The following PTHLH variants were observed in gnomAD, a reference collection of about 807,000 sequenced individuals.
PTHLH encodes parathyroid hormone like hormone, also known as parathyroid hormone-related protein.
A neutral mutation model predicts 18.6 loss-of-function variants in PTHLH; 5 were observed. The observed-to-expected ratio is 0.27, with a 90% confidence interval of 0.14 to 0.56. PTHLH has a LOEUF of 0.56. PTHLH is among the 20% of genes least tolerant of loss of function. The probability of loss-of-function intolerance (pLI) is 0.92; values close to 1 mark genes in which losing one functional copy is unlikely to be tolerated. For synonymous variants in PTHLH, 90 were observed against 94.0 expected (o/e 0.96, Z 0.25); for missense variants, 207 against 223.9 (o/e 0.92, Z 0.48).
chr12:27,972,694 A>ACC lies in PTHLH; in HGVS notation c.-531_-530insGG. ...ACTTCTGTTCCCACTAAAGGCAATTATTAGAAAGCAGGTACCTCTTCCAAG... is the reference window on the plus strand; with the variant it reads ...ACTTCTGTTCCCACTAAAGGCAATTACCTTAGAAAGCAGGTACCTCTTCCAAG... On this transcript the variant is annotated 5_prime_UTR_variant, in exon 1 of 6. Coordinates refer to ENST00000545234, the MANE Select transcript of PTHLH (RefSeq NM_198965.2). 6.6e-6 allele frequency: 1 copy of ACC among 152,344 alleles called. No homozygotes were observed. The highest frequency in any genetic ancestry group is 2.4e-5 in the African/African-American group (1 of 41,586). The allele number at this position is 152,344 out of a possible 1,614,324, so 9.4% of individuals were successfully genotyped here. A position where few individuals can be genotyped will look rare whatever the true frequency, so the allele number is the denominator to read the frequency against.
chr12:27,964,140 G>A (rs1208266180), intron 4 of PTHLH, among the ~76,000 whole-genome samples: 1 of 151,978 alleles, frequency 6.6e-6, no homozygotes, highest in Non-Finnish European at 1.5e-5. Context: ...CAGAAACCAC[G>A]GAGTATCTCT....
chr12:27,969,341 C>A, intron 4 of PTHLH, 53 bp downstream of exon 4: 1 of 1,497,914 alleles, frequency 6.7e-7, no homozygotes, highest in South Asian at 1.2e-5. Flanking sequence ...AGCTTGGCAG[C>A]CCCTCCCCCT....
chr12:27,967,560 CA>C (rs1374877637), intron 4 of PTHLH, among the ~76,000 whole-genome samples: 2 of 152,128 alleles, frequency 1.3e-5, no homozygotes, highest in African/African-American at 2.4e-5. Flanking sequence ...GGCAGCAAGA[CA>C]AAAATAATGA....
At chr12:27,966,685 T>C (rs1179935519) in intron 4 of PTHLH, among the ~76,000 whole-genome samples, 2 of 152,250 alleles carry the variant, frequency 1.3e-5, no homozygotes, top group African/African-American at 4.8e-5. Flanking sequence ...AACAGGTAGG[T>C]TATGTATCAT....
chr12:27,966,016 G>A (rs1336688146), intron 4 of PTHLH, among the ~76,000 whole-genome samples: 1 of 152,192 alleles, frequency 6.6e-6, no homozygotes, highest in Non-Finnish European at 1.5e-5. Context: ...AATGGATAAA[G>A]TGTAGCCCAT....
At position 27,963,763 on chromosome 12, in the gene PTHLH, C is replaced by A. The variant is rs2062783782; in HGVS notation, c.109G>T (p.Ala37Ser). 2 of 1,613,918 alleles carry A rather than the reference C, an allele frequency of 1.2e-6. No individual in the cohort carries two copies. Among genetic ancestry groups the A allele is most frequent in the Non-Finnish European group, 1.7e-6 (2 of 1,180,028 alleles). Residue 37 changes from alanine to serine, a missense_variant, in exon 5 of 6, where the codon GCT (alanine) becomes TCT (serine). Physicochemically the swap from Ala to Ser is moderately conservative, Grantham distance 99. Transcript: ENST00000545234. ...TGGAGGAGCTGATGTTCAGACACAG[C>A]TCTTTTGCTTTGAAAGAAAATATTA... The part of the protein sequence containing the change: ...VEGLSRRLKR[A>S]VSEHQLLHDK...
At chr12:27,969,739 C>A (rs771672963) in intron 3 of PTHLH, 1 of 726,718 alleles carries the variant, frequency 1.4e-6, no homozygotes, top group Non-Finnish European at 2.5e-6. Flanking sequence ...CCAGAAAGAG[C>A]AAAAAGGGAA....
Position 27,969,440 on chromosome 12 carries a change from C to T in PTHLH, c.55G>A (p.Ala19Thr). Residue 19 changes from alanine (A) to threonine (T), a missense_variant, in exon 4 of 6, where the codon GCG becomes ACG. By Grantham distance (58) the Ala-to-Thr change is moderately conservative. Transcript: ENST00000545234. Reference sequence around the variant, plus strand: ...ACCGAGCGCCCGCAGGAGGGCACCGCGTAGCTCAGCAGGAACACCGCGACG... The same window carrying T: ...ACCGAGCGCCCGCAGGAGGGCACCGTGTAGCTCAGCAGGAACACCGCGACG... ...WSVAVFLLSY[A>T]VPSCGRSVEG... 1 of 1,595,530 alleles carries T rather than the reference C, an allele frequency of 6.3e-7. No individual in the cohort carries two copies. The highest frequency in any genetic ancestry group is 1.1e-5 in the South Asian group (1 of 88,382).
rs555457037 is a variant in PTHLH, at chr12:27,966,841, T to G, written c.101+2553A>C. On this transcript the variant is annotated intron_variant, in intron 4 of 5. Transcript: ENST00000545234. ...AGTTTTTAGGGAAGAAGCTTAGATT[T>G]CTAAGGAACTATCAAGGAACAGAGG... Among the ~76,000 whole-genome samples the G allele has an allele frequency of 5.6e-4, 86 of 152,256 alleles. 1 individual carries two copies. Among genetic ancestry groups the G allele is most frequent in the African/African-American group, 1.8e-3 (73 of 41,544 alleles).
In PTHLH at chr12:27,967,568, A is replaced by G. The variant is rs545646631; in HGVS notation, c.101+1826T>C. Among the ~76,000 whole-genome samples, 5 of 152,346 alleles carry G rather than the reference A, an allele frequency of 3.3e-5. No homozygotes were observed. The South Asian group carries it at 1.0e-3, about 32-fold the overall frequency. ...GTTACTTGGCAGCAAGACAAAAATA[A>G]TGACTTGTTTTTAAAAACTCCATTT... On this transcript the variant is annotated intron_variant, in intron 4 of 5. Coordinates refer to ENST00000545234, the MANE Select transcript of PTHLH (RefSeq NM_198965.2).
chr12:27,967,537 T>C (rs973292272), intron 4 of PTHLH, among the ~76,000 whole-genome samples: 30 of 152,230 alleles, frequency 2.0e-4, no homozygotes, highest in Non-Finnish European at 4.4e-5. Flanking sequence ...GCACACAAAA[T>C]TTACTGTTAC....
intron 4 of PTHLH, among the ~76,000 whole-genome samples, chr12:27,964,954 T>C (rs1489523213): frequency 6.6e-6 from 1 of 152,204 alleles, no homozygotes; most frequent in Non-Finnish European, 1.5e-5. Context: ...TCCTCCAAAC[T>C]GGCCCATCCT....
rs769691817 is a variant in PTHLH at position 27,962,333 on chromosome 12, A to G, written c.524+1015T>C. Reference sequence around the variant, plus strand: ...AAAAACACCAAAATAATATGTTGCAATTTATTGAGTGTTTACTATATGACA... The same window carrying G: ...AAAAACACCAAAATAATATGTTGCAGTTTATTGAGTGTTTACTATATGACA... On this transcript the variant is annotated intron_variant, in intron 5 of 5. Coordinates refer to ENST00000545234, the MANE Select transcript of PTHLH (RefSeq NM_198965.2). The G allele has an allele frequency of 1.1e-3, 216 of 189,826 alleles. 1 individual carries two copies. Among genetic ancestry groups the G allele is most frequent in the Non-Finnish European group, 1.8e-3 (174 of 95,494 alleles). 11.8% of individuals were successfully genotyped at this position (189,826 alleles called of 1,614,324 possible).
intron 4 of PTHLH, among the ~76,000 whole-genome samples, chr12:27,964,456 T>A (rs1343057110): frequency 6.7e-6 from 1 of 148,536 alleles, no homozygotes; most frequent in Non-Finnish European, 1.5e-5. Flanking sequence ...GAACATACAT[T>A]TGAAGGCCAA....
At chr12:27,960,226 C>A (rs2062742248) in intron 5 of PTHLH, among the ~76,000 whole-genome samples, 1 of 152,090 alleles carries the variant, frequency 6.6e-6, no homozygotes, top group Admixed American at 6.5e-5. Context: ...TTACTATGGA[C>A]TTTTAATATT....
At chr12:27,959,283 T>C (rs549008971) in intron 5 of PTHLH, among the ~76,000 whole-genome samples, 1 of 152,354 alleles carries the variant, frequency 6.6e-6, no homozygotes, top group East Asian at 1.9e-4. Context: ...GGTTTTTGAA[T>C]GGATTTTTCT....
At position 27,970,185 on chromosome 12, in the gene PTHLH, G is replaced by T; in HGVS notation, c.-183C>A. On this transcript the variant is annotated 5_prime_UTR_variant, in exon 3 of 6. Coordinates refer to ENST00000545234, the MANE Select transcript of PTHLH (RefSeq NM_198965.2). ...GAGGCGGCAGCCCCGCTTCACGGGC[G>T]GGGAGACATGCTGGCCGGGCGGCGC... The T allele has an allele frequency of 1.9e-6, 1 of 513,400 alleles. No homozygotes were observed. The highest frequency in any genetic ancestry group is 3.9e-6 in the Non-Finnish European group (1 of 257,448). 31.8% of individuals were successfully genotyped at this position (513,400 alleles called of 1,614,324 possible). A position where few individuals can be genotyped will look rare whatever the true frequency, so the allele number is the denominator to read the frequency against.
chr12:27,971,732 C>T (rs1483584650), intron 2 of PTHLH, among the ~76,000 whole-genome samples, 195 bp downstream of exon 2: 2 of 151,886 alleles, frequency 1.3e-5, no homozygotes, highest in Non-Finnish European at 2.9e-5. Context: ...CTGTAAACCC[C>T]GTACCTTAAA....
chr12:27,963,867 G>T, intron 4 of PTHLH, 97 bp from the exon 5 acceptor site: 1 of 1,288,758 alleles, frequency 7.8e-7, no homozygotes, highest in Non-Finnish European at 1.1e-6. Context: ...TTTTCTAGTT[G>T]GTCCACCGTA....
Sources: gnomAD v4.1 joint callset for allele counts (sites outside exome capture counted in the v4.1 genomes callset) on GRCh38, gnomAD v4.1.1 for gene constraint, MANE v1.5 for transcripts, NCBI Gene and HGNC (gene_info 2026-07-23, HGNC 2026-07-21) for gene names.